The following RNF150 variants were observed in gnomAD, a reference collection of about 807,000 sequenced individuals.
The protein encoded by RNF150 is ring finger protein 150.
In RNF150, 24 loss-of-function variants were observed where a neutral mutation model predicts 39.3. The ratio of observed to expected loss-of-function variants is 0.61; its 90% CI spans 0.44 to 0.86. The LOEUF is 0.86. RNF150 is among the 40% of genes least tolerant of loss of function. RNF150 has a pLI of 0.00. For missense variants in RNF150, 502 were observed against 587.8 expected (o/e 0.85, Z 1.51); for synonymous variants, 255 against 227.3 (o/e 1.12, Z -1.10).
intron 1 of RNF150, among the ~76,000 whole-genome samples, chr4:140,983,742 T>C (rs1294379409): frequency 6.7e-6 from 1 of 149,638 alleles, no homozygotes; most frequent in Non-Finnish European, 1.5e-5. Flanking sequence ...TAACTGCCTT[T>C]TTTTTTTTTT....
At chr4:140,874,609 G>T (rs1729076922) in intron 6 of RNF150, among the ~76,000 whole-genome samples, 1 of 152,172 alleles carries the variant, frequency 6.6e-6, no homozygotes, top group Non-Finnish European at 1.5e-5. Flanking sequence ...CCAGGCTGGA[G>T]CTTAGTGGTG....
At chr4:141,161,490 A>G (rs1045801333) in intron 1 of RNF150, among the ~76,000 whole-genome samples, 1 of 152,218 alleles carries the variant, frequency 6.6e-6, no homozygotes, top group Admixed American at 6.5e-5. Context: ...AGAAAAGCCT[A>G]TTATCTGGGG....
intron 1 of RNF150, among the ~76,000 whole-genome samples, chr4:141,079,711 G>T (rs888425841): frequency 6.6e-6 from 1 of 152,212 alleles, no homozygotes; most frequent in Non-Finnish European, 1.5e-5. Flanking sequence ...TTTACTTCAT[G>T]AAGTTTCCTC....
At chr4:140,982,837 G>A (rs1733904500) in intron 1 of RNF150, among the ~76,000 whole-genome samples, 1 of 152,052 alleles carries the variant, frequency 6.6e-6, no homozygotes, top group South Asian at 2.1e-4. Context: ...TTCTGTCCTT[G>A]GCATACTTAG....
chr4:141,114,311 T>C (rs1387418210), intron 1 of RNF150, among the ~76,000 whole-genome samples: 1 of 151,264 alleles, frequency 6.6e-6, no homozygotes, highest in African/African-American at 2.4e-5. Context: ...GACACAAAAA[T>C]GACGAGGATA....
chr4:140,936,657 A>C (rs1168619657), intron 4 of RNF150, among the ~76,000 whole-genome samples: 2 of 152,150 alleles, frequency 1.3e-5, no homozygotes, highest in Non-Finnish European at 2.9e-5. Context: ...AAAAAGCATT[A>C]TAAAAAATAA....
chr4:140,875,162 C>CTTTTTT (rs1560943059), intron 6 of RNF150, among the ~76,000 whole-genome samples: 1 of 141,616 alleles, frequency 7.1e-6, no homozygotes. Flanking sequence ...ACAATCATTA[C>CTTTTTT]GTTTTTTTTT....
intron 6 of RNF150, among the ~76,000 whole-genome samples, chr4:140,907,699 T>TC (rs1404922860): frequency 1.3e-5 from 2 of 152,236 alleles, no homozygotes; most frequent in African/African-American, 2.4e-5. Flanking sequence ...TTCCCCCTGT[T>TC]CTGTCTCTGA....
upstream of RNF150, chr4:141,133,539 C>G (rs1414302223): frequency 2.6e-5 from 4 of 152,246 alleles, no homozygotes; most frequent in Admixed American, 2.6e-4. Flanking sequence ...ATGTCAAAGC[C>G]CCTGGGATTC....
Position 140,899,944 on chromosome 4 carries a change from TTCTCTCTC to T in RNF150, c.1198+11192_1198+11199del, listed in dbSNP as rs60297205. ...ATCCTAGTAGGTTCTCTCTCTCACT[TTCTCTCTC>T]TCTCTCTCTCTCTCTCTCTCTCTGT... On this transcript the variant is annotated intron_variant, in intron 6 of 6. Coordinates refer to ENST00000515673, the MANE Select transcript of RNF150 (RefSeq NM_020724.2). Among the ~76,000 whole-genome samples the T allele has an allele frequency of 8.5e-3, 939 of 110,116 alleles. 12 individuals are homozygous for T. The highest frequency in any genetic ancestry group is 0.032 in the African/African-American group (900 of 28,010). 72.2% of individuals were successfully genotyped at this position (110,116 alleles called of 152,430 possible). A position where few individuals can be genotyped will look rare whatever the true frequency, so the allele number is the denominator to read the frequency against.
chr4:141,134,044 C>T (rs1014240448), upstream of RNF150, among the ~76,000 whole-genome samples: 1 of 152,204 alleles, frequency 6.6e-6, no homozygotes, highest in African/African-American at 2.4e-5. Flanking sequence ...CACCTGGAAG[C>T]AAACATCTAA....
At chr4:141,068,379 A>G (rs1737547265) in intron 1 of RNF150, among the ~76,000 whole-genome samples, 1 of 152,182 alleles carries the variant, frequency 6.6e-6, no homozygotes. Flanking sequence ...GTCTTTTAAA[A>G]ATGGAATAAG....
At chr4:141,067,390 A>G (rs776641894) in intron 1 of RNF150, among the ~76,000 whole-genome samples, 26 of 152,202 alleles carry the variant, frequency 1.7e-4, no homozygotes, top group Non-Finnish European at 3.2e-4. Flanking sequence ...ATAGAGTCCA[A>G]ACAGATCAGC....
At chr4:140,945,703 A>G (rs1360444966) in intron 4 of RNF150, among the ~76,000 whole-genome samples, 1 of 150,972 alleles carries the variant, frequency 6.6e-6, no homozygotes, top group Non-Finnish European at 1.5e-5. Flanking sequence ...TACTGTATCA[A>G]TTGTAGAGCT....
chr4:141,185,908 T>A (rs1249378059), intron 1 of RNF150, among the ~76,000 whole-genome samples: 1 of 152,362 alleles, frequency 6.6e-6, no homozygotes, highest in South Asian at 2.1e-4. Context: ...ATAAGCTTTT[T>A]GATGTGCTGC....
At chr4:141,170,180 A>G (rs1727685972) in intron 1 of RNF150, among the ~76,000 whole-genome samples, 1 of 152,226 alleles carries the variant, frequency 6.6e-6, no homozygotes, top group South Asian at 2.1e-4. Context: ...TTCAGACTTC[A>G]TCTTGTTAAC....
intron 1 of RNF150, among the ~76,000 whole-genome samples, chr4:141,200,689 T>G (rs1380007891): frequency 6.6e-6 from 1 of 152,092 alleles, no homozygotes; most frequent in South Asian, 2.1e-4. Context: ...AAACATTCAG[T>G]CCATTGCAGG....
At chr4:140,937,409 C>T (rs6824341) in intron 4 of RNF150, among the ~76,000 whole-genome samples, 54,378 of 151,876 alleles carry the variant, frequency 0.36, 12,199 homozygotes, top group Non-Finnish European at 0.5. Flanking sequence ...TACAGGCACC[C>T]GGCACAACGC....
intron 4 of RNF150, among the ~76,000 whole-genome samples, chr4:140,934,380 A>G (rs962405147): frequency 6.6e-6 from 1 of 152,192 alleles, no homozygotes; most frequent in African/African-American, 2.4e-5. Context: ...TAGTAATCAT[A>G]TTCTGGCTGT....
Sources: allele counts gnomAD v4.1 joint callset (sites outside exome capture counted in the v4.1 genomes callset), GRCh38; gene constraint gnomAD v4.1.1; transcripts MANE v1.5; gene names NCBI Gene and HGNC (gene_info 2026-07-23, HGNC 2026-07-21).